Variants in SLC8A1 observed in about 807,000 individuals in gnomAD.
The protein encoded by SLC8A1 is sodium/calcium exchanger 1.
SLC8A1 carries 18 observed loss-of-function variants against 68.3 expected under a neutral mutation model. That is an observed-to-expected ratio of 0.26 (90% confidence interval 0.18 to 0.39). The LOEUF is 0.39. Among genes scored for constraint, SLC8A1 ranks in the 10% least tolerant of loss-of-function variants. The pLI, the probability that SLC8A1 is intolerant of heterozygous loss-of-function variation, is 1.00. For missense variants in SLC8A1, 985 were observed against 1,156.7 expected (o/e 0.85, Z 2.15); for synonymous variants, 475 against 415.5 (o/e 1.14, Z -1.74).
intron 1 of SLC8A1, among the ~76,000 whole-genome samples, chr2:40,476,379 G>A (rs1415015544): frequency 2.0e-5 from 3 of 152,236 alleles, no homozygotes; most frequent in African/African-American, 7.2e-5. Flanking sequence ...TAGGGAGAGA[G>A]AAATAAAGTC....
intron 2 of SLC8A1, among the ~76,000 whole-genome samples, chr2:40,217,292 T>C (rs546849233): frequency 1.3e-5 from 2 of 152,304 alleles, no homozygotes; most frequent in Admixed American, 1.3e-4. Flanking sequence ...AAAGATCTGA[T>C]GGTTGTAGAT....
At chr2:40,203,320 G>C (rs966427504) in intron 2 of SLC8A1, among the ~76,000 whole-genome samples, 7 of 151,958 alleles carry the variant, frequency 4.6e-5, no homozygotes, top group Non-Finnish European at 1.0e-4. Context: ...TAAAGAGCAT[G>C]GAAGATTGGA....
chr2:40,103,270 G>A (rs2034006304), exon 8 of SLC8A1: 1 of 152,116 alleles, frequency 6.6e-6, no homozygotes, highest in Non-Finnish European at 1.5e-5. Flanking sequence ...CCATGGAAAT[G>A]TCTACATTCT....
At chr2:40,438,087 T>C (rs1699781458) in intron 1 of SLC8A1, among the ~76,000 whole-genome samples, 1 of 152,148 alleles carries the variant, frequency 6.6e-6, no homozygotes, top group Non-Finnish European at 1.5e-5. Flanking sequence ...AATCTCGGAC[T>C]GCTCAGACTG....
chr2:40,235,018 A>G lies in SLC8A1; in HGVS notation c.1809-57163T>C, dbSNP rs557845284. 2.3e-4 allele frequency among the ~76,000 whole-genome samples: 35 copies of G among 152,036 alleles called. No homozygotes were observed. In the South Asian group the frequency reaches 7.3e-3, roughly 32 times the overall value. ...TCGTTTTGCCAGTATTTTATTGAGG[A>G]TTTTTCATCAATGTTCATCAAGGAT... On this transcript the variant is annotated intron_variant, in intron 2 of 7. Coordinates refer to ENST00000406785, the Ensembl canonical transcript of SLC8A1.
At chr2:40,436,397 A>T (rs892851168) in intron 1 of SLC8A1, among the ~76,000 whole-genome samples, 4 of 152,164 alleles carry the variant, frequency 2.6e-5, no homozygotes, top group African/African-American at 9.7e-5. Context: ...CAGAGTTCAA[A>T]ATCAGATTGT....
intron 2 of SLC8A1, among the ~76,000 whole-genome samples, chr2:40,320,589 G>C (rs2075066548): frequency 6.6e-6 from 1 of 152,102 alleles, no homozygotes; most frequent in Non-Finnish European, 1.5e-5. Flanking sequence ...AGCTATATTA[G>C]GTATCTTAAA....
At chr2:40,151,254 G>T (rs889467783) in intron 6 of SLC8A1, among the ~76,000 whole-genome samples, 3 of 138,364 alleles carry the variant, frequency 2.2e-5, no homozygotes, top group African/African-American at 8.4e-5. Flanking sequence ...TTGAAACATG[G>T]CGTGTGTATG....
chr2:40,177,956 G>C (rs2048767492), intron 2 of SLC8A1: 1 of 782,784 alleles, frequency 1.3e-6, no homozygotes, highest in Non-Finnish European at 2.2e-6. Context: ...TATGGAGGGA[G>C]AACTGGCAGC....
intron 2 of SLC8A1, among the ~76,000 whole-genome samples, chr2:40,234,724 G>C (rs1002211643): frequency 7.2e-5 from 11 of 152,216 alleles, no homozygotes; most frequent in African/African-American, 1.7e-4. Flanking sequence ...CAGTATGATA[G>C]TGGCTGTGGG....
intron 2 of SLC8A1, among the ~76,000 whole-genome samples, chr2:40,385,996 T>C (rs934582033): frequency 1.3e-5 from 2 of 151,330 alleles, no homozygotes; most frequent in Non-Finnish European, 1.5e-5. Flanking sequence ...TTTTTATCTT[T>C]ATAAATTTTT....
At chr2:40,295,100 T>A (rs2070102419) in intron 2 of SLC8A1, among the ~76,000 whole-genome samples, 3 of 150,824 alleles carry the variant, frequency 2.0e-5, no homozygotes, top group Non-Finnish European at 4.4e-5. Context: ...TAAGAAACAA[T>A]TATTATTTTT....
intron 2 of SLC8A1, among the ~76,000 whole-genome samples, chr2:40,218,540 T>A (rs2057834957): frequency 6.6e-6 from 1 of 152,188 alleles, no homozygotes; most frequent in Non-Finnish European, 1.5e-5. Context: ...GGCCCATTTT[T>A]AATGGCAAAA....
At chr2:40,419,603 G>T (rs1694904231) in intron 2 of SLC8A1, among the ~76,000 whole-genome samples, 1 of 151,826 alleles carries the variant, frequency 6.6e-6, no homozygotes, top group Non-Finnish European at 1.5e-5. Flanking sequence ...CAAATCCCAG[G>T]AACACAGATA....
intron 2 of SLC8A1, among the ~76,000 whole-genome samples, chr2:40,388,986 C>A (rs1392549269): frequency 1.3e-5 from 2 of 152,070 alleles, no homozygotes; most frequent in Non-Finnish European, 2.9e-5. Flanking sequence ...TAAGTGTTCA[C>A]CTATCACACT....
intron 7 of SLC8A1, among the ~76,000 whole-genome samples, chr2:40,124,895 A>G (rs1272060939): frequency 6.6e-6 from 1 of 152,210 alleles, no homozygotes; most frequent in Admixed American, 6.5e-5. Flanking sequence ...GTCCATAAAA[A>G]AGTATGGGTA....
At chr2:40,321,780 TG>T (rs2075224118) in intron 2 of SLC8A1, among the ~76,000 whole-genome samples, 1 of 151,982 alleles carries the variant, frequency 6.6e-6, no homozygotes, top group Non-Finnish European at 1.5e-5. Flanking sequence ...CCATGACACG[TG>T]GGGACTATGG....
At chr2:40,494,515 A>T (rs558469257) in intron 1 of SLC8A1, among the ~76,000 whole-genome samples, 1 of 151,608 alleles carries the variant, frequency 6.6e-6, no homozygotes, top group African/African-American at 2.4e-5. Flanking sequence ...TTGGGTATAT[A>T]CCCAGTAATG....
chr2:40,317,503 G>A (rs1295062633), intron 2 of SLC8A1, among the ~76,000 whole-genome samples: 3 of 152,092 alleles, frequency 2.0e-5, no homozygotes, highest in African/African-American at 7.2e-5. Context: ...CACAAACATT[G>A]ATTAATTATA....
Sources: allele counts gnomAD v4.1 joint callset (sites outside exome capture counted in the v4.1 genomes callset), GRCh38; gene constraint gnomAD v4.1.1; transcripts MANE v1.5; gene names NCBI Gene and HGNC (gene_info 2026-07-23, HGNC 2026-07-21).